The following DNAJC6 variants were observed in gnomAD, a reference collection of about 807,000 sequenced individuals.
DNAJC6 encodes the protein DnaJ heat shock protein family (Hsp40) member C6.
DNAJC6 carries 34 observed loss-of-function variants against 110.0 expected under a neutral mutation model. The ratio of observed to expected loss-of-function variants is 0.31; its 90% CI spans 0.24 to 0.41. The LOEUF is 0.41. DNAJC6 is among the 10% of genes least tolerant of loss of function. The pLI, the probability that DNAJC6 is intolerant of heterozygous loss-of-function variation, is 1.00. For missense variants in DNAJC6, 1,031 were observed against 1,207.8 expected, an observed-to-expected ratio of 0.85 and a Z score of 2.17; for synonymous variants, 406 against 437.2, an observed-to-expected ratio of 0.93 and a Z score of 0.89.
intron 1 of DNAJC6, among the ~76,000 whole-genome samples, chr1:65,347,923 G>A (rs1336843513): frequency 1.3e-5 from 2 of 152,132 alleles, no homozygotes; most frequent in Non-Finnish European, 2.9e-5. Context: ...TGAGCTCCTA[G>A]TTTTTAGCAT....
intron 1 of DNAJC6, among the ~76,000 whole-genome samples, chr1:65,347,478 TTATG>T (rs1645447856): frequency 6.6e-6 from 1 of 152,076 alleles, no homozygotes; most frequent in African/African-American, 2.4e-5. Context: ...CTGATGCTCT[TTATG>T]TATGTCCTTA....
upstream of DNAJC6, chr1:65,309,442 C>G (rs1401623819): frequency 1.5e-5 from 11 of 748,198 alleles, no homozygotes; most frequent in African/African-American, 1.9e-5. Flanking sequence ...GCCTGGGGCC[C>G]GGAGCTCGGC....
chr1:65,409,446 T>G (rs536295112), intron 17 of DNAJC6, among the ~76,000 whole-genome samples: 1 of 152,340 alleles, frequency 6.6e-6, no homozygotes, highest in South Asian at 2.1e-4. Flanking sequence ...CCTGTTCAAA[T>G]GAGCAGTGGC....
In DNAJC6 at chr1:65,411,264, T is replaced by G; in HGVS notation, c.2649T>G (p.Ile883Met). The G allele has an allele frequency of 6.2e-7, 1 of 1,613,572 alleles. No homozygotes were observed. The highest frequency in any genetic ancestry group is 8.5e-7 in the Non-Finnish European group (1 of 1,179,628). ...TGTGTTTACAGATTCTGGAATGGAT[T>G]GAAGGCAAAGAAAGAAATATCAGAG... Reference protein sequence around the residue: ...DPEKLKILEWIEGKERNIRAL... With the variant: ...DPEKLKILEWMEGKERNIRAL... Residue 883 changes from isoleucine to methionine, a missense_variant, in exon 18 of 19, where the codon ATT (isoleucine) becomes ATG (methionine). Coordinates refer to ENST00000371069, the MANE Select transcript of DNAJC6 (RefSeq NM_001256864.2).
intron 1 of DNAJC6, among the ~76,000 whole-genome samples, chr1:65,345,078 G>C (rs1047430978): frequency 1.3e-5 from 2 of 150,972 alleles, no homozygotes; most frequent in African/African-American, 4.9e-5. Flanking sequence ...TACAGATGAT[G>C]GATTTAATAT....
intron 1 of DNAJC6, among the ~76,000 whole-genome samples, chr1:65,274,996 A>C (rs1653622503): frequency 6.6e-6 from 1 of 152,154 alleles, no homozygotes. Context: ...AGGCGCTTAG[A>C]AGACTTTAAC....
rs1282994878 is a variant in DNAJC6, at chr1:65,413,499, G to A, written c.*474G>A. ...GCAGACTCCAAGAACAAAACCACCA[G>A]GTATTTTTTTTTAAGTAAAAATTTA... On this transcript the variant is annotated 3_prime_UTR_variant, in exon 19 of 19. Transcript: ENST00000371069. 4 of 152,934 alleles carry A rather than the reference G, an allele frequency of 2.6e-5. No homozygotes were observed. Among genetic ancestry groups the A allele is most frequent in the Non-Finnish European group, 1.5e-5 (1 of 68,666 alleles). 9.5% of individuals were successfully genotyped at this position (152,934 alleles called of 1,614,324 possible). A position where few individuals can be genotyped will look rare whatever the true frequency, so the allele number is the denominator to read the frequency against.
chr1:65,304,215 C>G (rs1408568336), intron 1 of DNAJC6, among the ~76,000 whole-genome samples: 1 of 151,730 alleles, frequency 6.6e-6, no homozygotes, highest in Non-Finnish European at 1.5e-5. Flanking sequence ...AAAAGCCCTA[C>G]CTGGGAAATT....
intron 17 of DNAJC6, 55 bp from the exon 18 acceptor site, chr1:65,411,195 C>T: frequency 6.4e-7 from 1 of 1,555,086 alleles, no homozygotes; most frequent in Non-Finnish European, 8.7e-7. Flanking sequence ...CTAGTGGAAA[C>T]CTTCTGAACT....
In DNAJC6 at chr1:65,401,772, A is replaced by G. The variant is rs760602927; in HGVS notation, c.2119A>G (p.Met707Val). Residue 707 changes from methionine (M) to valine (V), a missense_variant, in exon 15 of 19, where the codon ATG becomes GTG. Transcript: ENST00000371069. Reference protein sequence around the residue: ...DWHAKPGGFGMGSKSAATSPT... With the variant: ...DWHAKPGGFGVGSKSAATSPT... ...TATTTCCTTTTCAGGAGGCTTTGGA[A>G]TGGGAAGCAAGTCAGCTGCCACCAG... 2.1e-5 allele frequency: 34 copies of G among 1,612,274 alleles called. No individual in the cohort carries two copies. The Admixed American group carries it at 2.5e-4, about 12-fold the overall frequency.
intron 1 of DNAJC6, among the ~76,000 whole-genome samples, chr1:65,341,912 T>C (rs1645393039): frequency 6.6e-6 from 1 of 152,160 alleles, no homozygotes; most frequent in Non-Finnish European, 1.5e-5. Flanking sequence ...AGCTGGATTG[T>C]AGTTTTCCAC....
intron 1 of DNAJC6, among the ~76,000 whole-genome samples, chr1:65,349,785 C>T (rs897624166): frequency 2.6e-5 from 4 of 151,732 alleles, no homozygotes; most frequent in Non-Finnish European, 4.4e-5. Flanking sequence ...TAAGGTGATT[C>T]TTTGTATATT....
In DNAJC6 at chr1:65,366,938, A is replaced by G. The variant is rs1344939752; in HGVS notation, c.543+742A>G. Among the ~76,000 whole-genome samples, 8 of 152,300 alleles carry G rather than the reference A, an allele frequency of 5.3e-5. No individual in the cohort carries two copies. In the South Asian group the frequency reaches 1.4e-3, roughly 28 times the overall value. On this transcript the variant is annotated intron_variant, in intron 4 of 18. Coordinates refer to ENST00000371069, the MANE Select transcript of DNAJC6 (RefSeq NM_001256864.2). ...TGTGTAAAATGATAGCTGGTTGACA[A>G]TGCTGTGTATCTAGGATCTTAGCTT...
At chr1:65,302,306 T>A (rs1190480829) in intron 1 of DNAJC6, among the ~76,000 whole-genome samples, 4 of 131,948 alleles carry the variant, frequency 3.0e-5, no homozygotes, top group Non-Finnish European at 6.4e-5. Flanking sequence ...ATATAATATA[T>A]ATGTTACAGT....
At chr1:65,311,019 G>A (rs6677968) in intron 1 of DNAJC6, among the ~76,000 whole-genome samples, 83,216 of 151,782 alleles carry the variant, frequency 0.55, 23,107 homozygotes, top group Non-Finnish European at 0.6. Flanking sequence ...GGCTGTCCTT[G>A]GGCTATTATT....
rs149874464 is a variant in DNAJC6, at chr1:65,391,569, A to T, written c.1469-862A>T. Among the ~76,000 whole-genome samples, 385 of 152,130 alleles carry T rather than the reference A, an allele frequency of 2.5e-3. 2 individuals carry two copies. The highest frequency in any genetic ancestry group is 8.3e-3 in the African/African-American group (346 of 41,496). The stretch of plus-strand genomic sequence containing the variant: ...TCTGCTCCAGACTGTTAGAGAAGGG[A>T]TTTGCTTTTGGCTACAGGACACATG... On this transcript the variant is annotated intron_variant, in intron 11 of 18. Transcript: ENST00000371069.
intron 13 of DNAJC6, among the ~76,000 whole-genome samples, chr1:65,397,740 G>C (rs1322299162): frequency 6.6e-6 from 1 of 152,168 alleles, no homozygotes; most frequent in African/African-American, 2.4e-5. Flanking sequence ...AGTGGAATGG[G>C]TTACTGTGTA....
At chr1:65,394,133 C>T (rs1645955344) in intron 12 of DNAJC6, among the ~76,000 whole-genome samples, 1 of 152,188 alleles carries the variant, frequency 6.6e-6, no homozygotes, top group Non-Finnish European at 1.5e-5. Flanking sequence ...TAAGACTGTG[C>T]ACCTGGTGTG....
intron 13 of DNAJC6, among the ~76,000 whole-genome samples, chr1:65,396,174 A>T (rs1482254084): frequency 3.9e-5 from 6 of 152,210 alleles, no homozygotes; most frequent in Non-Finnish European, 8.8e-5. Flanking sequence ...GTGCATCCTC[A>T]GGACAATATA....
Sources: gnomAD v4.1 joint callset for allele counts (sites outside exome capture counted in the v4.1 genomes callset) on GRCh38, gnomAD v4.1.1 for gene constraint, MANE v1.5 for transcripts, NCBI Gene and HGNC (gene_info 2026-07-23, HGNC 2026-07-21) for gene names.